The following ADAMTSL1 variants were observed in gnomAD, a reference collection of about 807,000 sequenced individuals.
ADAMTSL1 encodes ADAMTS like 1, also known as ADAMTS-like protein 1.
In ADAMTSL1, 126 loss-of-function variants were observed where a neutral mutation model predicts 201.8. The observed-to-expected ratio is 0.62, with a 90% CI of 0.54 to 0.72. The LOEUF (loss-of-function observed/expected upper bound fraction) is 0.72, where lower values mean the gene tolerates loss of function less well. Among genes scored for constraint, ADAMTSL1 ranks in the 30% least tolerant of loss-of-function variants. ADAMTSL1 has a pLI of 0.00. For synonymous variants in ADAMTSL1, 1,121 were observed against 903.4 expected (o/e 1.24, Z -4.32); for missense variants, 2,679 against 2,277.8 (o/e 1.18, Z -3.59).
chr9:18,558,619 T>G lies in ADAMTSL1; in HGVS notation c.238-15411T>G, dbSNP rs962275310. On this transcript the variant is annotated intron_variant, in intron 3 of 28. Transcript: ENST00000380548. ...CACAATGGTTAAACTAACTTACACTTCCATCAACAGTGTAAAAGTGTTCCT... is the reference window on the plus strand; with the variant it reads ...CACAATGGTTAAACTAACTTACACTGCCATCAACAGTGTAAAAGTGTTCCT... 1.4e-4 allele frequency among the ~76,000 whole-genome samples: 21 copies of G among 152,114 alleles called. No individual in the cohort carries two copies. In the South Asian group the frequency reaches 1.7e-3, roughly 12 times the overall value.
intron 1 of ADAMTSL1, among the ~76,000 whole-genome samples, chr9:18,094,038 T>A (rs967445976): frequency 6.6e-6 from 1 of 152,126 alleles, no homozygotes; most frequent in Admixed American, 6.6e-5. Context: ...TGTCAGACAC[T>A]AGGACACTGA....
At chr9:18,546,071 C>A (rs1376430042) in intron 3 of ADAMTSL1, among the ~76,000 whole-genome samples, 1 of 152,150 alleles carries the variant, frequency 6.6e-6, no homozygotes, top group Non-Finnish European at 1.5e-5. Flanking sequence ...ATCATTCTAG[C>A]AGTCTTGTCC....
chr9:18,327,405 G>A (rs1413353303), intron 2 of ADAMTSL1, among the ~76,000 whole-genome samples: 1 of 152,250 alleles, frequency 6.6e-6, no homozygotes, highest in Admixed American at 6.5e-5. Flanking sequence ...TTTATTTTGG[G>A]GTATTTAGAA....
At chr9:18,836,077 T>A (rs1278726745) in intron 23 of ADAMTSL1, among the ~76,000 whole-genome samples, 1 of 152,162 alleles carries the variant, frequency 6.6e-6, no homozygotes, top group Non-Finnish European at 1.5e-5. Flanking sequence ...TTGAGAAATA[T>A]CCAAACTGCT....
At chr9:18,080,457 A>G (rs985430171) in intron 1 of ADAMTSL1, among the ~76,000 whole-genome samples, 2 of 152,200 alleles carry the variant, frequency 1.3e-5, no homozygotes, top group African/African-American at 4.8e-5. Flanking sequence ...CTTAGAACGG[A>G]TGCACAATAT....
chr9:18,569,915 T>C (rs1219965543), intron 3 of ADAMTSL1, among the ~76,000 whole-genome samples: 2 of 152,182 alleles, frequency 1.3e-5, no homozygotes, highest in Admixed American at 6.5e-5. Context: ...CTACATTCAG[T>C]ATTCCTTAAA....
intron 26 of ADAMTSL1, among the ~76,000 whole-genome samples, chr9:18,899,462 G>A (rs1360893891): frequency 6.6e-6 from 1 of 152,198 alleles, no homozygotes; most frequent in African/African-American, 2.4e-5. Context: ...AAATTCATAT[G>A]AAACTGAAAA....
At position 18,266,831 on chromosome 9, in the gene ADAMTSL1, G is replaced by A. The variant is rs576107105; in HGVS notation, c.207+102850G>A. 2.0e-5 allele frequency among the ~76,000 whole-genome samples: 3 copies of A among 152,138 alleles called. No individual in the cohort carries two copies. In the South Asian group the frequency reaches 6.2e-4, roughly 32 times the overall value. ...CTTTTAATAAATCTTTCTCCAGACA[G>A]ATGAAAAAAGAGTTGATTAGGTTTC... On this transcript the variant is annotated intron_variant, in intron 2 of 29. Coordinates refer to the ADAMTSL1 transcript ENST00000680146.
At chr9:18,489,417 A>T (rs966693399) in intron 1 of ADAMTSL1, among the ~76,000 whole-genome samples, 41 of 152,264 alleles carry the variant, frequency 2.7e-4, no homozygotes, top group African/African-American at 9.4e-4. Flanking sequence ...TGATCATCCG[A>T]TCCTGTTACA....
chr9:18,387,363 G>GCCTTA (rs1837843309), intron 2 of ADAMTSL1, among the ~76,000 whole-genome samples: 3 of 151,678 alleles, frequency 2.0e-5, no homozygotes, highest in Admixed American at 6.5e-5. Flanking sequence ...ATACAGCCTT[G>GCCTTA]CTATATTTCA....
chr9:18,057,306 C>A (rs1316057970), intron 1 of ADAMTSL1, among the ~76,000 whole-genome samples: 2 of 152,236 alleles, frequency 1.3e-5, no homozygotes, highest in East Asian at 3.9e-4. Context: ...TAGAAATAGA[C>A]AATTATTTCC....
At chr9:18,728,097 TAAATAAATA>T in intron 15 of ADAMTSL1, among the ~76,000 whole-genome samples, 1 of 86,098 alleles carries the variant, frequency 1.2e-5, no homozygotes, top group Non-Finnish European at 2.8e-5. Context: ...AATAAATAAA[TAAATAAATA>T]AATAAATAAA....
intron 3 of ADAMTSL1, among the ~76,000 whole-genome samples, chr9:18,547,145 TA>T: frequency 6.6e-6 from 1 of 151,990 alleles, no homozygotes; most frequent in Non-Finnish European, 1.5e-5. Context: ...CAAATGAAAA[TA>T]AGAAAATGTA....
chr9:18,787,279 C>T (rs1220299276), intron 19 of ADAMTSL1, among the ~76,000 whole-genome samples: 1 of 152,132 alleles, frequency 6.6e-6, no homozygotes, highest in Non-Finnish European at 1.5e-5. Flanking sequence ...ATACATAAGC[C>T]TCACAAAAGA....
intron 2 of ADAMTSL1, among the ~76,000 whole-genome samples, chr9:18,435,068 T>C (rs1221951576): frequency 1.3e-5 from 2 of 151,992 alleles, no homozygotes; most frequent in African/African-American, 4.8e-5. Context: ...AAAGAGGGAG[T>C]TGAGATGTCA....
chr9:17,928,082 C>T (rs982635062), intron 1 of ADAMTSL1, among the ~76,000 whole-genome samples: 1 of 151,630 alleles, frequency 6.6e-6, no homozygotes, highest in Admixed American at 6.6e-5. Context: ...GCAGCCTCGA[C>T]TTCCTGGGCT....
intron 1 of ADAMTSL1, among the ~76,000 whole-genome samples, chr9:18,027,642 T>C (rs1007747794): frequency 2.6e-5 from 4 of 152,090 alleles, no homozygotes; most frequent in African/African-American, 9.7e-5. Flanking sequence ...GAGCATGTGG[T>C]TGATCTTAGA....
At chr9:18,551,826 T>C (rs1382508284) in intron 3 of ADAMTSL1, among the ~76,000 whole-genome samples, 14 of 151,896 alleles carry the variant, frequency 9.2e-5, no homozygotes, top group Admixed American at 2.0e-4. Flanking sequence ...TCTTCTCGAA[T>C]AGTTGTGTTT....
intron 16 of ADAMTSL1, among the ~76,000 whole-genome samples, chr9:18,760,691 A>ATCTAATG: frequency 6.6e-6 from 1 of 152,292 alleles, no homozygotes; most frequent in South Asian, 2.1e-4. Context: ...TGTGCTCCTA[A>ATCTAATG]TCTAATGTCT....
Sources: gnomAD v4.1 joint callset for allele counts (sites outside exome capture counted in the v4.1 genomes callset) on GRCh38, gnomAD v4.1.1 for gene constraint, MANE v1.5 for transcripts, NCBI Gene and HGNC (gene_info 2026-07-23, HGNC 2026-07-21) for gene names.